The following TRIM68 variants were observed in gnomAD, a reference collection of about 807,000 sequenced individuals.
The protein encoded by TRIM68 is tripartite motif containing 68, also known as E3 ubiquitin-protein ligase TRIM68.
Under a neutral mutation model 41.9 loss-of-function variants are expected in TRIM68, and 36 were observed. The ratio of observed to expected loss-of-function variants is 0.86; its 90% CI spans 0.66 to 1.14. The LOEUF (loss-of-function observed/expected upper bound fraction) is 1.14. TRIM68 is among the 50% of genes most tolerant of loss of function. The pLI, the probability that TRIM68 is intolerant of heterozygous loss-of-function variation, is 0.00. For synonymous variants in TRIM68, 225 were observed against 224.6 expected (o/e 1.00, Z -0.02); for missense variants, 632 against 605.1 (o/e 1.04, Z -0.47).
Position 4,603,817 on chromosome 11 carries a change from T to A in TRIM68, c.427-477A>T, listed in dbSNP as rs2231961. 1.8e-3 allele frequency among the ~76,000 whole-genome samples: 268 copies of A among 152,294 alleles called. 2 individuals carry two copies. Among genetic ancestry groups the A allele is most frequent in the Admixed American group, 3.6e-3 (55 of 15,302 alleles). On this transcript the variant is annotated intron_variant, in intron 2 of 6. Coordinates refer to ENST00000300747, the MANE Select transcript of TRIM68 (RefSeq NM_018073.8). Reference sequence around the variant, plus strand: ...GGATCTCCCAGGTGGTTCATATGCTTATTAAGGGTAAGAAGCACTTTCCTA... The same window carrying A: ...GGATCTCCCAGGTGGTTCATATGCTAATTAAGGGTAAGAAGCACTTTCCTA...
At chr11:4,604,240 C>G (rs959057831) in intron 2 of TRIM68, among the ~76,000 whole-genome samples, 10 of 152,356 alleles carry the variant, frequency 6.6e-5, no homozygotes, top group African/African-American at 2.4e-4. Context: ...GTCTTACACT[C>G]TCACCTTCCT....
At chr11:4,605,903 G>C (rs1351191523) in intron 1 of TRIM68, among the ~76,000 whole-genome samples, 1 of 152,114 alleles carries the variant, frequency 6.6e-6, no homozygotes, top group Non-Finnish European at 1.5e-5. Flanking sequence ...TCTTAAACTT[G>C]GGTAAGTTCA....
chr11:4,607,910 G>A (rs11033009), intron 1 of TRIM68, 117 bp downstream of exon 1: 17,533 of 152,366 alleles, frequency 0.12, 3,269 homozygotes, highest in African/African-American at 0.39. Context: ...TCCGGAGTCA[G>A]GGAGCAGCTC....
intron 5 of TRIM68, 177 bp from the exon 6 acceptor site, chr11:4,601,304 C>T (rs139451009): frequency 7.8e-4 from 481 of 616,024 alleles, no homozygotes; most frequent in East Asian, 4.7e-3. Flanking sequence ...GGTGAGAACA[C>T]CTGCATGCCC....
chr11:4,603,417 A>G, intron 2 of TRIM68, 77 bp from the exon 3 acceptor site: 1 of 1,372,496 alleles, frequency 7.3e-7, no homozygotes, highest in South Asian at 1.2e-5. Flanking sequence ...TGGGAGAACC[A>G]GAGTCCTTCA....
At chr11:4,607,163 C>G (rs534440953) in intron 1 of TRIM68, among the ~76,000 whole-genome samples, 1 of 152,288 alleles carries the variant, frequency 6.6e-6, no homozygotes, top group East Asian at 1.9e-4. Flanking sequence ...TGCTATTCTC[C>G]CAGCTGAAAA....
Position 4,603,288 on chromosome 11 carries a change from C to T in TRIM68, c.479G>A (p.Trp160Ter), listed in dbSNP as rs142534979. ...EHLKKEQEEAWKLEVGERKRT... is the reference protein window; with the variant it reads ...EHLKKEQEEA Reference sequence around the variant, plus strand: ...TTTCCTTTCACCAACTTCAAGCTTCCAGGCCTCTTCTTGCTCTTTCTTCAG... The same window carrying T: ...TTTCCTTTCACCAACTTCAAGCTTCTAGGCCTCTTCTTGCTCTTTCTTCAG... The change falls in exon 3 of 7, where the codon TGG becomes TAG. Residue 160 changes from tryptophan (W) to a stop codon, truncating the protein, a stop_gained. Coordinates refer to ENST00000300747, the MANE Select transcript of TRIM68 (RefSeq NM_018073.8). LOFTEE classifies it high-confidence loss of function. 9 of 1,614,222 alleles carry T rather than the reference C, an allele frequency of 5.6e-6. No individual in the cohort carries two copies. Among genetic ancestry groups the T allele is most frequent in the African/African-American group, 4.0e-5 (3 of 75,058 alleles).
At chr11:4,602,530 G>C in intron 3 of TRIM68, 118 bp from the exon 4 acceptor site, 1 of 1,337,124 alleles carries the variant, frequency 7.5e-7, no homozygotes, top group Non-Finnish European at 1.0e-6. Flanking sequence ...GGCTATGCAG[G>C]GGCAAAGATA....
At chr11:4,601,546 G>T in intron 5 of TRIM68, 118 bp downstream of exon 5, 1 of 1,071,474 alleles carries the variant, frequency 9.3e-7, no homozygotes, top group Non-Finnish European at 1.4e-6. Context: ...ACGAGACTGT[G>T]GACCAGCACC....
intron 1 of TRIM68, among the ~76,000 whole-genome samples, chr11:4,607,150 G>A (rs1282564999): frequency 6.6e-6 from 1 of 152,156 alleles, no homozygotes; most frequent in Non-Finnish European, 1.5e-5. Context: ...TGACTTGGGT[G>A]CCTGCTATTC....
intron 1 of TRIM68, 80 bp from the exon 2 acceptor site, chr11:4,605,641 T>C (rs1156837992): frequency 2.2e-6 from 2 of 917,198 alleles, no homozygotes; most frequent in African/African-American, 3.3e-5. Flanking sequence ...ATAATTAATT[T>C]CTGGGGGAAA....
Position 4,600,845 on chromosome 11 carries a change from G to T in TRIM68, c.908-19C>A, listed in dbSNP as rs1260403780. ...ACATCAGCTAGAAGAAAAGGTCCTG[G>T]TTGGTAACAGTGATATAGGGCCAGG... On this transcript the variant is annotated intron_variant, in intron 6 of 6. Coordinates refer to ENST00000300747, the MANE Select transcript of TRIM68 (RefSeq NM_018073.8). The T allele has an allele frequency of 1.9e-6, 3 of 1,604,550 alleles. No individual in the cohort carries two copies. The highest frequency in any genetic ancestry group is 2.6e-6 in the Non-Finnish European group (3 of 1,174,548).
At position 4,600,186 on chromosome 11, in the gene TRIM68, T is replaced by C. The variant is rs1846459078; in HGVS notation, c.*90A>G. ...CCTTGGATACTGGGCTCAGCTCAGT[T>C]TCAGGGGATACCTGTCAGTGGCTCG... On this transcript the variant is annotated 3_prime_UTR_variant, in exon 7 of 7. Coordinates refer to ENST00000300747, the MANE Select transcript of TRIM68 (RefSeq NM_018073.8). 1 of 1,338,990 alleles carries C rather than the reference T, an allele frequency of 7.5e-7. No homozygotes were observed. Among genetic ancestry groups the C allele is most frequent in the African/African-American group, 1.5e-5 (1 of 68,088 alleles). 82.9% of individuals were successfully genotyped at this position (1,338,990 alleles called of 1,614,324 possible).
At position 4,603,347 on chromosome 11, in the gene TRIM68, G is replaced by A. The variant is rs751885460; in HGVS notation, c.427-7C>T. On this transcript the variant is annotated splice_region_variant and splice_polypyrimidine_tract_variant and intron_variant, in intron 2 of 6. Transcript: ENST00000300747. ...GGGCCTCATGAAGTTCCCACTGCAA[G>A]AGACAAAACCCTCATGAGGCCACCT... 1.2e-6 allele frequency: 2 copies of A among 1,614,036 alleles called. No homozygotes were observed. The highest frequency in any genetic ancestry group is 1.7e-6 in the Non-Finnish European group (2 of 1,179,962).
intron 6 of TRIM68, 98 bp from the exon 7 acceptor site, chr11:4,600,924 AG>A (rs1846478965): frequency 6.4e-7 from 1 of 1,570,770 alleles, no homozygotes; most frequent in African/African-American, 1.4e-5. Context: ...TCAATGATGA[AG>A]GGGTGAGGCT....
chr11:4,601,366 C>T (rs1846487501), intron 5 of TRIM68: 1 of 594,542 alleles, frequency 1.7e-6, no homozygotes, highest in Non-Finnish European at 3.0e-6. Flanking sequence ...GGAAGAAGTG[C>T]ACACATTTTC....
rs1846566903 is a variant in TRIM68 at position 4,606,288 on chromosome 11, T to TGATGTGATCACA, written c.-57-728_-57-727insTGTGATCACATC. On this transcript the variant is annotated intron_variant, in intron 1 of 6. Transcript: ENST00000300747. ...GATCATCACACCCATATTGATGAAA[T>TGATGTGATCACA]CACTACACCAGCAAGAAATCTGAGA... Among the ~76,000 whole-genome samples the TGATGTGATCACA allele has an allele frequency of 2.0e-5, 3 of 152,324 alleles. No homozygotes were observed. The South Asian group carries it at 6.2e-4, about 32-fold the overall frequency.
chr11:4,602,373 A>C lies in TRIM68; in HGVS notation c.562T>G (p.Phe188Val). The C allele has an allele frequency of 6.2e-7, 1 of 1,613,378 alleles. No homozygotes were observed. Among genetic ancestry groups the C allele is most frequent in the Non-Finnish European group, 8.5e-7 (1 of 1,179,930 alleles). Residue 188 changes from phenylalanine (F) to valine (V), a missense_variant, in exon 4 of 7, where the codon TTT becomes GTT. Coordinates refer to ENST00000300747, the MANE Select transcript of TRIM68 (RefSeq NM_018073.8). ...TCTAGTAATCGCTGGTATTTTTCAA[A>C]CTCCCATACAATACTCTGTTTTCGG... ...ETRKQSIVWEFEKYQRLLEKK... is the reference protein window; with the variant it reads ...ETRKQSIVWEVEKYQRLLEKK...
chr11:4,602,670 T>TC (rs1846511440), intron 3 of TRIM68, among the ~76,000 whole-genome samples: 1 of 152,250 alleles, frequency 6.6e-6, no homozygotes, highest in Non-Finnish European at 1.5e-5. Context: ...TAGACTATTT[T>TC]CCATTTTCAG....
Sources: allele counts gnomAD v4.1 joint callset (sites outside exome capture counted in the v4.1 genomes callset), GRCh38; gene constraint gnomAD v4.1.1; transcripts MANE v1.5; gene names NCBI Gene and HGNC (gene_info 2026-07-23, HGNC 2026-07-21).